Variants in AKAP13 observed in about 807,000 individuals in gnomAD.
AKAP13 encodes the protein A-kinase anchoring protein 13.
AKAP13 carries 80 observed loss-of-function variants against 264.5 expected under a neutral mutation model. The observed-to-expected ratio is 0.30, with a 90% CI of 0.25 to 0.36. AKAP13 has a LOEUF of 0.36. AKAP13 is among the 10% of genes least tolerant of loss of function. The pLI, the probability that AKAP13 is intolerant of heterozygous loss-of-function variation, is 1.00. For missense variants in AKAP13, 3,712 were observed against 3,435.2 expected, an observed-to-expected ratio of 1.08 and a Z score of -2.01; for synonymous variants, 1,380 against 1,250.2, an observed-to-expected ratio of 1.10 and a Z score of -2.19.
chr15:85,710,190 C>T (rs2086560697), intron 18 of AKAP13, among the ~76,000 whole-genome samples: 3 of 152,092 alleles, frequency 2.0e-5, no homozygotes, highest in Non-Finnish European at 2.9e-5. Flanking sequence ...AAAGATGCTG[C>T]CCTTAAGGCA....
chr15:85,396,439 A>G (rs548088104), intron 1 of AKAP13, among the ~76,000 whole-genome samples: 18 of 152,322 alleles, frequency 1.2e-4, no homozygotes, highest in African/African-American at 4.1e-4. Context: ...GAATTGACTC[A>G]TATACTCATT....
At chr15:85,482,697 T>C (rs946265117) in intron 1 of AKAP13, among the ~76,000 whole-genome samples, 3 of 152,340 alleles carry the variant, frequency 2.0e-5, no homozygotes, top group Admixed American at 2.0e-4. Flanking sequence ...CTTTGAAAGA[T>C]CAATTTTTTT....
At chr15:85,572,866 G>T (rs2078870448) in intron 5 of AKAP13, among the ~76,000 whole-genome samples, 1 of 152,012 alleles carries the variant, frequency 6.6e-6, no homozygotes, top group Admixed American at 6.6e-5. Context: ...TCCCCTTCCT[G>T]TGTCCATGTG....
intron 1 of AKAP13, among the ~76,000 whole-genome samples, chr15:85,471,140 A>T (rs967706114): frequency 6.6e-6 from 1 of 152,240 alleles, no homozygotes; most frequent in African/African-American, 2.4e-5. Flanking sequence ...CAATGACACA[A>T]AGCATTACAG....
chr15:85,568,794 A>T (rs2078700361), intron 5 of AKAP13, among the ~76,000 whole-genome samples: 1 of 152,244 alleles, frequency 6.6e-6, no homozygotes. Context: ...AAAAAGAACA[A>T]CAAAAACGTT....
At chr15:85,678,063 A>G (rs1008601847) in intron 14 of AKAP13, among the ~76,000 whole-genome samples, 3 of 152,222 alleles carry the variant, frequency 2.0e-5, no homozygotes, top group Non-Finnish European at 4.4e-5. Context: ...AATGCCTTGT[A>G]TAAAAACTTT....
Position 85,708,069 on chromosome 15 carries a change from G to A in AKAP13, c.5515G>A (p.Ala1839Thr). ...CTGCCGAGAAAGTCTAGCCTCCTGT[G>A]CAAAGGTCAAAATGAAGGTAAGACT... ...KGCRESLASC[A>T]KVKMKQPKGS... Residue 1839 changes from alanine (A) to threonine (T), a missense_variant, in exon 18 of 37, where the codon GCA (alanine) becomes ACA (threonine). Around this residue, in one of 3 missense-constraint regions of AKAP13, gnomAD observed 2,759 missense variants for 2,411.7 expected, o/e 1.14. Coordinates refer to ENST00000394518, the MANE Select transcript of AKAP13 (RefSeq NM_007200.5). The surrounding 1 kb of genome is among the most constrained non-coding windows in gnomAD (Gnocchi z 4.3). 1 of 1,613,772 alleles carries A rather than the reference G, an allele frequency of 6.2e-7. No homozygotes were observed. Among genetic ancestry groups the A allele is most frequent in the Non-Finnish European group, 8.5e-7 (1 of 1,179,788 alleles).
intron 1 of AKAP13, among the ~76,000 whole-genome samples, chr15:85,480,260 C>G (rs142176930): frequency 6.6e-6 from 1 of 152,146 alleles, no homozygotes; most frequent in Non-Finnish European, 1.5e-5. Context: ...ACCAGAAAGG[C>G]GTCTCTGAGT....
intron 8 of AKAP13, among the ~76,000 whole-genome samples, chr15:85,629,783 T>A (rs2081611436): frequency 1.6e-5 from 2 of 124,236 alleles, no homozygotes; most frequent in East Asian, 4.4e-4. Flanking sequence ...TTTTTTTTTT[T>A]TTTTTTTTTT....
intron 36 of AKAP13, chr15:85,744,067 C>T (rs1462003491): frequency 1.2e-5 from 6 of 517,032 alleles, no homozygotes; most frequent in Non-Finnish European, 1.7e-5. Context: ...AGGCATTATC[C>T]GATCGAGGAA....
intron 8 of AKAP13, among the ~76,000 whole-genome samples, chr15:85,636,883 G>A (rs754686359): frequency 1.3e-5 from 2 of 152,190 alleles, no homozygotes; most frequent in African/African-American, 2.4e-5. Context: ...CCAAAGTGCT[G>A]GGATTACAGG....
Position 85,579,946 on chromosome 15 carries a change from A to G in AKAP13, c.1878A>G (p.Glu626=), listed in dbSNP as rs757455486. The G allele has an allele frequency of 6.2e-7, 1 of 1,614,190 alleles. No individual in the cohort carries two copies. Among genetic ancestry groups the G allele is most frequent in the Non-Finnish European group, 8.5e-7 (1 of 1,180,012 alleles). ...SPSDLALLGL[E]EDVMPHQNSE... ...CAGATTTAGCCCTTCTTGGGCTGGA[A>G]GAAGATGTAATGCCACACCAGAACT... Residue 626 remains glutamate, a synonymous_variant, in exon 7 of 37, where the codon GAA becomes GAG. Coordinates refer to ENST00000394518, the MANE Select transcript of AKAP13 (RefSeq NM_007200.5).
At chr15:85,653,280 A>G (rs2082946906) in intron 10 of AKAP13, among the ~76,000 whole-genome samples, 1 of 152,164 alleles carries the variant, frequency 6.6e-6, no homozygotes, top group Non-Finnish European at 1.5e-5. Context: ...GGGTTTTTTA[A>G]AAAGATGATT....
At chr15:85,704,238 A>G (rs867710571) in intron 17 of AKAP13, among the ~76,000 whole-genome samples, 4 of 152,358 alleles carry the variant, frequency 2.6e-5, no homozygotes, top group African/African-American at 9.6e-5. Flanking sequence ...CCTTGGCTGC[A>G]TATGACTCAG....
intron 5 of AKAP13, among the ~76,000 whole-genome samples, chr15:85,571,184 A>G (rs2078806542): frequency 6.6e-6 from 1 of 152,176 alleles, no homozygotes; most frequent in Admixed American, 6.5e-5. Flanking sequence ...TTTTGAAGCA[A>G]TTATTAAAAA....
chr15:85,473,235 T>A (rs570455368), intron 1 of AKAP13, among the ~76,000 whole-genome samples: 20 of 152,270 alleles, frequency 1.3e-4, no homozygotes, highest in African/African-American at 4.8e-4. Context: ...GCAGGTTTTG[T>A]TAACTGGGCG....
chr15:85,385,437 C>G (rs2070508544), intron 1 of AKAP13, among the ~76,000 whole-genome samples: 1 of 152,090 alleles, frequency 6.6e-6, no homozygotes, highest in Admixed American at 6.5e-5. Flanking sequence ...GTGTAACATT[C>G]TCTGAGTTTT....
intron 3 of AKAP13, among the ~76,000 whole-genome samples, chr15:85,529,730 G>A (rs368346812): frequency 2.0e-5 from 3 of 152,118 alleles, no homozygotes; most frequent in East Asian, 3.8e-4. Flanking sequence ...GTTGATTTCC[G>A]GACAGTAGGG....
Position 85,543,758 on chromosome 15 carries a change from T to C in AKAP13, c.479-14T>C, listed in dbSNP as rs770566643. ...ATTTTCCTCACTTACGTTCATTTTC[T>C]CCCCCATTTACAGATGCTGGCCCGC... is the stretch of plus-strand genomic sequence containing the variant. On this transcript the variant is annotated splice_polypyrimidine_tract_variant and intron_variant, in intron 4 of 36. Transcript: ENST00000394518. 2 of 1,578,960 alleles carry C rather than the reference T, an allele frequency of 1.3e-6. No individual in the cohort carries two copies. Among genetic ancestry groups the C allele is most frequent in the Non-Finnish European group, 1.7e-6 (2 of 1,162,058 alleles).
Sources: gnomAD v4.1 joint callset for allele counts (sites outside exome capture counted in the v4.1 genomes callset) on GRCh38, gnomAD v4.1.1 for gene constraint, gnomAD v4.1.1 regional missense constraint, Gnocchi (gnomAD v3.1) non-coding constraint, MANE v1.5 for transcripts, NCBI Gene and HGNC (gene_info 2026-07-23, HGNC 2026-07-21) for gene names.